Variants in CDKL1 observed in about 807,000 individuals in gnomAD.
CDKL1 encodes cyclin dependent kinase like 1, also known as cyclin-dependent kinase-like 1.
In CDKL1, 41 loss-of-function variants were observed where a neutral mutation model predicts 42.0. The observed-to-expected ratio is 0.98, with a 90% CI of 0.76 to 1.27. The LOEUF is 1.27. CDKL1 is among the 50% of genes most tolerant of loss of function. CDKL1 has a pLI of 0.00. For synonymous variants in CDKL1, 153 were observed against 158.6 expected, an observed-to-expected ratio of 0.96 and a Z score of 0.26; for missense variants, 394 against 428.4, an observed-to-expected ratio of 0.92 and a Z score of 0.71.
At chr14:50,378,874 CAG>C (rs2034820527) in intron 2 of CDKL1, among the ~76,000 whole-genome samples, 1 of 148,138 alleles carries the variant, frequency 6.8e-6, no homozygotes, top group East Asian at 2.0e-4. Flanking sequence ...TTTTTTGAGA[CAG>C]AGTTTCACTC....
chr14:50,379,828 T>C (rs1351677028), intron 2 of CDKL1, among the ~76,000 whole-genome samples: 1 of 152,214 alleles, frequency 6.6e-6, no homozygotes, highest in Admixed American at 6.5e-5. Context: ...AGGAGGATCC[T>C]GCAATGCCAC....
rs1188034312 is a variant in CDKL1, at chr14:50,376,567, AT to A, written c.169-17419del. On this transcript the variant is annotated intron_variant, in intron 2 of 9. Transcript: ENST00000395834. Reference sequence around the variant, plus strand: ...TTAATAGAGGCCTATCTATTGGCTGATGACCATGATGTTATTGCTGAGTGAA... The same window carrying A: ...TTAATAGAGGCCTATCTATTGGCTGAGACCATGATGTTATTGCTGAGTGAA... The A allele has an allele frequency of 9.4e-5, 19 of 201,180 alleles. No homozygotes were observed. The Admixed American group carries it at 1.1e-3, about 11-fold the overall frequency. 12.5% of individuals were successfully genotyped at this position (201,180 alleles called of 1,614,324 possible).
intron 9 of CDKL1, chr14:50,330,899 T>A (rs2032900895): frequency 6.6e-6 from 1 of 151,346 alleles, no homozygotes; most frequent in African/African-American, 2.5e-5. Context: ...AGAAAAGTGC[T>A]TTTTAGTACT....
intron 7 of CDKL1, among the ~76,000 whole-genome samples, 166 bp downstream of exon 7, chr14:50,338,781 A>G (rs1297037656): frequency 2.0e-5 from 3 of 152,164 alleles, no homozygotes; most frequent in Non-Finnish European, 4.4e-5. Flanking sequence ...AGCAGCCTCT[A>G]AATGAGCAGT....
intron 3 of CDKL1, among the ~76,000 whole-genome samples, chr14:50,354,580 T>C (rs2034001516): frequency 6.6e-6 from 1 of 152,208 alleles, no homozygotes; most frequent in South Asian, 2.1e-4. Flanking sequence ...GAATAATAGA[T>C]ACAAAGTTTT....
chr14:50,372,137 G>A (rs929808024), intron 2 of CDKL1, among the ~76,000 whole-genome samples: 5 of 152,166 alleles, frequency 3.3e-5, no homozygotes, highest in Admixed American at 6.5e-5. Flanking sequence ...TTTTTGAGAC[G>A]GAGTCTCACT....
upstream of CDKL1, chr14:50,397,019 C>G: frequency 8.3e-7 from 1 of 1,207,466 alleles, no homozygotes; most frequent in Non-Finnish European, 1.1e-6. Context: ...AGGGAAAGGC[C>G]TCGGAGGGCC....
intron 2 of CDKL1, among the ~76,000 whole-genome samples, chr14:50,360,810 G>C (rs191658477): frequency 8.6e-5 from 13 of 152,000 alleles, no homozygotes; most frequent in Non-Finnish European, 1.5e-4. Context: ...GTGTGTGTGT[G>C]TGTGTGTGTG....
At chr14:50,345,648 C>T (rs11570824) in intron 3 of CDKL1, among the ~76,000 whole-genome samples, 2,223 of 152,252 alleles carry the variant, frequency 0.015, 54 homozygotes, top group African/African-American at 0.038. Context: ...TCTGCCCTAC[C>T]AGGGTCTTGA....
At chr14:50,374,831 A>T (rs925510349) in intron 2 of CDKL1, among the ~76,000 whole-genome samples, 5 of 152,066 alleles carry the variant, frequency 3.3e-5, no homozygotes, top group African/African-American at 1.2e-4. Context: ...GTTTTTTGAT[A>T]CTAGTCTCTA....
intron 2 of CDKL1, among the ~76,000 whole-genome samples, chr14:50,381,552 C>T (rs926464641): frequency 1.3e-5 from 2 of 152,124 alleles, no homozygotes; most frequent in South Asian, 2.1e-4. Context: ...TGATGTGCAC[C>T]GTGGATGCTT....
chr14:50,371,826 G>C (rs2034599250), intron 2 of CDKL1, among the ~76,000 whole-genome samples: 2 of 152,240 alleles, frequency 1.3e-5, no homozygotes, highest in African/African-American at 4.8e-5. Context: ...AGGCTCAGAA[G>C]TGCCATGCCT....
At chr14:50,361,824 G>C (rs933192739) in intron 2 of CDKL1, among the ~76,000 whole-genome samples, 2 of 152,240 alleles carry the variant, frequency 1.3e-5, no homozygotes, top group Non-Finnish European at 2.9e-5. Context: ...CGCTCTCGGC[G>C]CCTTCTCTAT....
chr14:50,375,572 G>A lies in CDKL1; in HGVS notation c.169-16423C>T, dbSNP rs146212298. ...CAATAGTGGTAAGTCGCTGAGGCGGGCAGATCACAAGGTCAGGTGTTTGAG... is the reference window on the plus strand; with the variant it reads ...CAATAGTGGTAAGTCGCTGAGGCGGACAGATCACAAGGTCAGGTGTTTGAG... On this transcript the variant is annotated intron_variant, in intron 2 of 9. Transcript: ENST00000395834. Among the ~76,000 whole-genome samples the A allele has an allele frequency of 1.6e-4, 24 of 152,284 alleles. 1 individual carries two copies. Among genetic ancestry groups the A allele is most frequent in the African/African-American group, 5.8e-4 (24 of 41,564 alleles).
At chr14:50,386,564 C>T (rs569493482) in intron 2 of CDKL1, among the ~76,000 whole-genome samples, 71 of 152,170 alleles carry the variant, frequency 4.7e-4, no homozygotes, top group African/African-American at 1.7e-3. Flanking sequence ...ATTTTTTTCT[C>T]AGAATAAAAG....
chr14:50,383,965 C>G (rs1213027268), intron 2 of CDKL1, among the ~76,000 whole-genome samples: 1 of 152,154 alleles, frequency 6.6e-6, no homozygotes, highest in Non-Finnish European at 1.5e-5. Context: ...AGAGCTCAAC[C>G]AAAAATCTTC....
At chr14:50,362,250 C>T (rs1349983991) in intron 2 of CDKL1, 1 of 376,068 alleles carries the variant, frequency 2.7e-6, no homozygotes, top group Admixed American at 3.0e-5. Context: ...GCACCCGGTC[C>T]CATCGACCAC....
chr14:50,389,123 A>G (rs993119172), intron 2 of CDKL1, among the ~76,000 whole-genome samples: 2 of 139,116 alleles, frequency 1.4e-5, no homozygotes, highest in Non-Finnish European at 3.1e-5. Flanking sequence ...AAAAAAAAAA[A>G]GAGAGAGAAA....
intron 2 of CDKL1, among the ~76,000 whole-genome samples, chr14:50,371,119 TATATATACTAC>T (rs2034579701): frequency 6.6e-6 from 1 of 152,208 alleles, no homozygotes; most frequent in Non-Finnish European, 1.5e-5. Context: ...CTGTATTGTG[TATATATACTAC>T]ATTTTCTTTA....
Sources: gnomAD v4.1 joint callset for allele counts (sites outside exome capture counted in the v4.1 genomes callset) on GRCh38, gnomAD v4.1.1 for gene constraint, MANE v1.5 for transcripts, NCBI Gene and HGNC (gene_info 2026-07-23, HGNC 2026-07-21) for gene names.